The following TTI1 variants were observed in gnomAD, a reference collection of about 807,000 sequenced individuals.
TTI1 encodes the protein TELO2 interacting protein 1.
TTI1 carries 52 observed loss-of-function variants against 85.4 expected under a neutral mutation model. The observed-to-expected ratio is 0.61, with a 90% CI of 0.49 to 0.77. The LOEUF is 0.77. Among genes scored for constraint, TTI1 ranks in the 30% least tolerant of loss-of-function variants. TTI1 has a pLI of 0.00. For missense variants in TTI1, 1,173 were observed against 1,296.0 expected, an observed-to-expected ratio of 0.91 and a Z score of 1.46; for synonymous variants, 512 against 503.9, an observed-to-expected ratio of 1.02 and a Z score of -0.22.
At chr20:38,027,866 G>A (rs1182312244) in intron 1 of TTI1, among the ~76,000 whole-genome samples, 1 of 152,192 alleles carries the variant, frequency 6.6e-6, no homozygotes, top group African/African-American at 2.4e-5. Context: ...GGAGGTTGCA[G>A]TGAGCCAAGA....
intron 7 of TTI1, among the ~76,000 whole-genome samples, chr20:37,989,236 T>C (rs1282724109): frequency 1.3e-5 from 2 of 152,236 alleles, no homozygotes; most frequent in African/African-American, 4.8e-5. Flanking sequence ...TATGTTTACC[T>C]GTTCAAAACC....
At chr20:38,020,323 A>AAAAAAAAATATATATAT in intron 1 of TTI1, among the ~76,000 whole-genome samples, 3 of 50,380 alleles carry the variant, frequency 6.0e-5, no homozygotes, top group African/African-American at 1.8e-4. Flanking sequence ...AAAAAAAAAA[A>AAAAAAAAATATATATAT]ATATATATAT....
At chr20:38,008,737 G>A (rs749597346) in intron 2 of TTI1, among the ~76,000 whole-genome samples, 6 of 152,174 alleles carry the variant, frequency 3.9e-5, no homozygotes, top group Non-Finnish European at 5.9e-5. Context: ...AAGAGTGGAC[G>A]TCAGTTAGAT....
At chr20:38,017,404 TTGTGTGTGTG>T (rs66542554) in intron 1 of TTI1, among the ~76,000 whole-genome samples, 13 of 146,242 alleles carry the variant, frequency 8.9e-5, no homozygotes, top group African/African-American at 2.8e-4. Context: ...AATCAATAGC[TTGTGTGTGTG>T]TGTGTGTGTG....
intron 4 of TTI1, 146 bp downstream of exon 4, chr20:38,002,482 C>T: frequency 9.3e-7 from 1 of 1,073,750 alleles, no homozygotes; most frequent in Non-Finnish European, 1.3e-6. Flanking sequence ...ACCCCACAGA[C>T]AAATTCCTTT....
intron 1 of TTI1, among the ~76,000 whole-genome samples, chr20:38,018,290 A>C (rs1007501432): frequency 2.6e-5 from 4 of 152,164 alleles, no homozygotes; most frequent in Non-Finnish European, 5.9e-5. Context: ...GAAATCTATA[A>C]AAAAAATCAA....
Position 38,011,831 on chromosome 20 carries a change from G to T in TTI1, c.1986C>A (p.Asp662Glu). 6 of 1,614,208 alleles carry T rather than the reference G, an allele frequency of 3.7e-6. No homozygotes were observed. The highest frequency in any genetic ancestry group is 5.1e-6 in the Non-Finnish European group (6 of 1,180,036). Residue 662 changes from aspartate to glutamate, a missense_variant, in exon 2 of 8, where the codon GAC becomes GAA. Coordinates refer to ENST00000373447, the MANE Select transcript of TTI1 (RefSeq NM_001303457.2). ...CCACCTGACTAATGAGTAGGGTTTG[G>T]TCTCCAGCCTTCTCCAGTACTGGAT... ...ALYPVLEKAG[D>E]QTLLISQVAT...
intron 6 of TTI1, 65 bp downstream of exon 6, chr20:37,996,684 G>T: frequency 6.5e-7 from 1 of 1,539,714 alleles, no homozygotes; most frequent in Non-Finnish European, 8.8e-7. Context: ...TGAGCAGAGG[G>T]CATGATGGCA....
At chr20:38,001,062 A>G (rs914274708) in intron 4 of TTI1, among the ~76,000 whole-genome samples, 8 of 152,148 alleles carry the variant, frequency 5.3e-5, no homozygotes, top group Admixed American at 2.0e-4. Context: ...CCTTTCTCCA[A>G]TATGTATGAG....
At chr20:38,007,757 T>A (rs898442029) in intron 2 of TTI1, among the ~76,000 whole-genome samples, 2 of 152,230 alleles carry the variant, frequency 1.3e-5, no homozygotes, top group African/African-American at 4.8e-5. Context: ...AGATGGGAGA[T>A]GACAGGGCCA....
At position 38,029,623 on chromosome 20, in the gene TTI1, A is replaced by G. The variant is rs185047545; in HGVS notation, c.-42+3781T>C. The stretch of plus-strand genomic sequence containing the variant: ...AAGAGACGAGACACTGATACTGGAA[A>G]TTTCCAATATCAGTAATGAAACGGG... On this transcript the variant is annotated intron_variant, in intron 1 of 7. Coordinates refer to ENST00000373447, the MANE Select transcript of TTI1 (RefSeq NM_001303457.2). Among the ~76,000 whole-genome samples the G allele has an allele frequency of 6.9e-3, 1,052 of 152,248 alleles. 5 individuals are homozygous for G. Among genetic ancestry groups the G allele is most frequent in the African/African-American group, 0.02 (835 of 41,528 alleles).
chr20:37,992,989 C>T (rs1249091704), intron 7 of TTI1, among the ~76,000 whole-genome samples: 4 of 152,130 alleles, frequency 2.6e-5, no homozygotes, highest in African/African-American at 9.7e-5. Flanking sequence ...AACGCCTACC[C>T]TCAGGGACAC....
intron 1 of TTI1, chr20:38,019,025 T>G (rs2122620849): frequency 6.6e-6 from 1 of 151,956 alleles, no homozygotes; most frequent in Admixed American, 6.6e-5. Context: ...TGGTGTGCAC[T>G]AATAGTCCCA....
intron 7 of TTI1, among the ~76,000 whole-genome samples, chr20:37,995,026 T>A (rs1481144640): frequency 1.3e-5 from 2 of 152,148 alleles, no homozygotes; most frequent in Admixed American, 1.3e-4. Context: ...TCTAAAAGGA[T>A]TTACTTCAAG....
Position 37,996,740 on chromosome 20 carries a change from G to A in TTI1, c.2998+9C>T, listed in dbSNP as rs761688406. 27 of 1,600,172 alleles carry A rather than the reference G, an allele frequency of 1.7e-5. 1 individual carries two copies. Among genetic ancestry groups the A allele is most frequent in the African/African-American group, 5.4e-5 (4 of 74,664 alleles). ...TGTGTGTGTTCAGGTGGAACTGCCT[G>A]GTACCCACCTAGGTCCAGTCTCTCA... is the stretch of plus-strand genomic sequence containing the variant. On this transcript the variant is annotated intron_variant, in intron 6 of 7. Coordinates refer to ENST00000373447, the MANE Select transcript of TTI1 (RefSeq NM_001303457.2).
chr20:38,030,299 G>A (rs1196363696), intron 1 of TTI1, among the ~76,000 whole-genome samples: 1 of 151,912 alleles, frequency 6.6e-6, no homozygotes, highest in African/African-American at 2.4e-5. Flanking sequence ...AACCAAGATG[G>A]TTTCATTGGA....
chr20:37,983,423 G>C lies in TTI1; in HGVS notation c.*33C>G, dbSNP rs1232756534. 1 of 1,597,194 alleles carries C rather than the reference G, an allele frequency of 6.3e-7. No homozygotes were observed. The highest frequency in any genetic ancestry group is 8.5e-7 in the Non-Finnish European group (1 of 1,174,184). On this transcript the variant is annotated 3_prime_UTR_variant, in exon 8 of 8. Coordinates refer to ENST00000373447, the MANE Select transcript of TTI1 (RefSeq NM_001303457.2). ...CCAGCTTCTGGCTGGCAGTAGGGGA[G>C]GGATCGGTGGCCTCTGTGGTGGGGG...
rs144183852 is a variant in TTI1 at position 37,989,854 on chromosome 20, A to C, written c.3087-6215T>G. On this transcript the variant is annotated intron_variant, in intron 7 of 7. Coordinates refer to ENST00000373447, the MANE Select transcript of TTI1 (RefSeq NM_001303457.2). ...AGCCTCCACTCACGGATGCCTTCAG[A>C]AACAGCTCTAGGAAATGTCCTTCTG... Among the ~76,000 whole-genome samples, 88 of 152,348 alleles carry C rather than the reference A, an allele frequency of 5.8e-4. 1 individual carries two copies. The highest frequency in any genetic ancestry group is 1.1e-3 in the Non-Finnish European group (74 of 68,022).
At chr20:38,023,431 G>A (rs1241302495) in intron 1 of TTI1, among the ~76,000 whole-genome samples, 1 of 152,168 alleles carries the variant, frequency 6.6e-6, no homozygotes, top group Non-Finnish European at 1.5e-5. Context: ...ACTTTGCAAG[G>A]TCAGTCCCAT....
Sources: gnomAD v4.1 joint callset for allele counts (sites outside exome capture counted in the v4.1 genomes callset) on GRCh38, gnomAD v4.1.1 for gene constraint, MANE v1.5 for transcripts, NCBI Gene and HGNC (gene_info 2026-07-23, HGNC 2026-07-21) for gene names.